MTMR9: variants seen among roughly 807,000 people sequenced by gnomAD.
MTMR9 encodes the protein myotubularin-related protein 9.
A neutral mutation model predicts 69.5 loss-of-function variants in MTMR9; 39 were observed. The observed-to-expected ratio is 0.56, with a 90% CI of 0.43 to 0.73. MTMR9 has a LOEUF of 0.73. Among genes scored for constraint, MTMR9 ranks in the 30% least tolerant of loss-of-function variants. The pLI is 0.00. For synonymous variants in MTMR9, 354 were observed against 240.8 expected (o/e 1.47, Z -4.35); for missense variants, 900 against 671.2 (o/e 1.34, Z -3.77).
chr8:11,285,583 A>G (rs1799118832), intron 1 of MTMR9, among the ~76,000 whole-genome samples: 1 of 152,178 alleles, frequency 6.6e-6, no homozygotes. Flanking sequence ...ATCAAAATTT[A>G]ATTCTCACTA....
chr8:11,315,019 G>T lies in MTMR9; in HGVS notation c.1068G>T (p.Arg356Ser). 6.2e-7 allele frequency: 1 copy of T among 1,613,952 alleles called. No individual in the cohort carries two copies. The highest frequency in any genetic ancestry group is 8.5e-7 in the Non-Finnish European group (1 of 1,179,890). ...AGATCATCTTAGAGCCAAGAAGCAG[G>T]ACCATTCGTGGTTTTGAGGCCCTGA... Reference protein sequence around the residue: ...LAQIILEPRSRTIRGFEALIE... With the variant: ...LAQIILEPRSSTIRGFEALIE... Residue 356 changes from arginine to serine, a missense_variant, in exon 7 of 10, where the codon AGG becomes AGT. Coordinates refer to ENST00000221086, the MANE Select transcript of MTMR9 (RefSeq NM_015458.4).
chr8:11,319,859 A>G, intron 9 of MTMR9, 21 bp downstream of exon 9: 2 of 1,613,342 alleles, frequency 1.2e-6, no homozygotes, highest in South Asian at 1.1e-5. Flanking sequence ...CATCCTTTGC[A>G]AACTTCTTAA....
intron 2 of MTMR9, among the ~76,000 whole-genome samples, chr8:11,299,253 C>G (rs963641803): frequency 6.6e-6 from 1 of 152,126 alleles, no homozygotes; most frequent in Non-Finnish European, 1.5e-5. Context: ...TCACTTGAAC[C>G]CGGGAGGCGG....
In MTMR9 at chr8:11,322,829, G is replaced by T; in HGVS notation, c.*41G>T. ...CCTTCGCAAGGACCTTCTTGGGCCT[G>T]TGTCCGCCGTTCTCTCCTTGTGCCC... On this transcript the variant is annotated 3_prime_UTR_variant, in exon 10 of 10. Coordinates refer to ENST00000221086, the MANE Select transcript of MTMR9 (RefSeq NM_015458.4). 6.4e-7 allele frequency: 1 copy of T among 1,574,520 alleles called. No individual in the cohort carries two copies. Among genetic ancestry groups the T allele is most frequent in the Non-Finnish European group, 8.6e-7 (1 of 1,158,092 alleles).
intron 5 of MTMR9, 148 bp downstream of exon 5, chr8:11,306,555 TG>T: frequency 1.4e-6 from 1 of 692,790 alleles, no homozygotes. Flanking sequence ...CATTTTTTTT[TG>T]GTCAGCTCTA....
intron 1 of MTMR9, among the ~76,000 whole-genome samples, chr8:11,291,753 C>G (rs1799386698): frequency 6.6e-6 from 1 of 151,922 alleles, no homozygotes; most frequent in South Asian, 2.1e-4. Context: ...GTATGACAAG[C>G]ATAGATGATA....
At chr8:11,294,248 T>C (rs1209339027) in intron 1 of MTMR9, among the ~76,000 whole-genome samples, 2 of 152,220 alleles carry the variant, frequency 1.3e-5, no homozygotes, top group African/African-American at 4.8e-5. Flanking sequence ...GCACTAGTTA[T>C]AACCTTGAGT....
chr8:11,337,355 A>G, the MTMR9 span, among the ~76,000 whole-genome samples: 1 of 152,242 alleles, frequency 6.6e-6, no homozygotes, highest in South Asian at 2.1e-4. Context: ...AGGTGGTACA[A>G]GGTGCAGCAA....
downstream of MTMR9, among the ~76,000 whole-genome samples, chr8:11,330,439 C>T (rs577953057): frequency 3.9e-5 from 6 of 152,282 alleles, no homozygotes; most frequent in South Asian, 6.2e-4. Context: ...TCATTGAGAA[C>T]GGGCCATGAT....
chr8:11,307,150 C>G (rs2117614), intron 5 of MTMR9, among the ~76,000 whole-genome samples: 9,197 of 152,184 alleles, frequency 0.06, 939 homozygotes, highest in African/African-American at 0.21. Flanking sequence ...CAGCTCACTG[C>G]AATCTCTGCC....
rs1321847408 is a variant in MTMR9 at position 11,322,926 on chromosome 8, T to C, written c.*138T>C. 1 of 629,400 alleles carries C rather than the reference T, an allele frequency of 1.6e-6. No individual in the cohort carries two copies. The highest frequency in any genetic ancestry group is 1.9e-5 in the African/African-American group (1 of 53,518). The allele number at this position is 629,400 out of a possible 1,614,324, so 39.0% of individuals were successfully genotyped here. ...TGGGACCCCCCTAATGTAATGGATT[T>C]CTCAATACTGTATGAATAATGAAAC... is the stretch of plus-strand genomic sequence containing the variant. On this transcript the variant is annotated 3_prime_UTR_variant, in exon 10 of 10. Transcript: ENST00000221086.
intron 2 of MTMR9, among the ~76,000 whole-genome samples, chr8:11,299,085 T>C (rs921701835): frequency 6.6e-6 from 1 of 152,156 alleles, no homozygotes; most frequent in Non-Finnish European, 1.5e-5. Context: ...CCCAATACTT[T>C]GAGAGGCTGA....
the MTMR9 span, among the ~76,000 whole-genome samples, chr8:11,338,630 C>T: frequency 6.6e-6 from 1 of 152,186 alleles, no homozygotes; most frequent in Non-Finnish European, 1.5e-5. Flanking sequence ...ATGGATGAGA[C>T]TGGCAGCCAA....
chr8:11,312,881 C>G (rs1800259447), intron 6 of MTMR9, among the ~76,000 whole-genome samples: 1 of 152,180 alleles, frequency 6.6e-6, no homozygotes, highest in Non-Finnish European at 1.5e-5. Flanking sequence ...ATGTACCTCT[C>G]CATCAGAGCT....
At chr8:11,289,297 T>A (rs1273439886) in intron 1 of MTMR9, among the ~76,000 whole-genome samples, 4 of 152,242 alleles carry the variant, frequency 2.6e-5, no homozygotes, top group African/African-American at 9.6e-5. Context: ...AGAAAGTCAT[T>A]AAGGGTAACT....
chr8:11,301,235 C>T (rs959332539), intron 3 of MTMR9, among the ~76,000 whole-genome samples: 1 of 152,100 alleles, frequency 6.6e-6, no homozygotes. Flanking sequence ...GTCAAAACAG[C>T]TTTGAGAAAA....
rs908645655 is a variant in MTMR9, at chr8:11,324,479, C to T, written c.*1691C>T. 1 of 142,144 alleles carries T rather than the reference C, an allele frequency of 7.0e-6. No individual in the cohort carries two copies. Among genetic ancestry groups the T allele is most frequent in the African/African-American group, 2.6e-5 (1 of 37,770 alleles). The allele number at this position is 142,144 out of a possible 1,614,324, so 8.8% of individuals were successfully genotyped here. A position where few individuals can be genotyped will look rare whatever the true frequency, so the allele number is the denominator to read the frequency against. ...CATAAGAGATGTTCTCGTAGCTCTG[C>T]GTTGTGTGAAATGTCCATCTTAGTT... On this transcript the variant is annotated 3_prime_UTR_variant, in exon 10 of 10. Coordinates refer to ENST00000221086, the MANE Select transcript of MTMR9 (RefSeq NM_015458.4).
At chr8:11,290,623 C>G (rs905789652) in intron 1 of MTMR9, among the ~76,000 whole-genome samples, 1 of 152,076 alleles carries the variant, frequency 6.6e-6, no homozygotes, top group African/African-American at 2.4e-5. Flanking sequence ...ATCTTTGTTT[C>G]AAGTGTGATA....
At chr8:11,297,100 C>T (rs1042733323) in intron 2 of MTMR9, among the ~76,000 whole-genome samples, 8 of 152,044 alleles carry the variant, frequency 5.3e-5, no homozygotes, top group African/African-American at 1.2e-4. Flanking sequence ...ACTATAGGAA[C>T]GTTGATTTTT....
Sources: allele counts gnomAD v4.1 joint callset (sites outside exome capture counted in the v4.1 genomes callset), GRCh38; gene constraint gnomAD v4.1.1; transcripts MANE v1.5; gene names NCBI Gene and HGNC (gene_info 2026-07-23, HGNC 2026-07-21).